The following FMN2 variants were observed in gnomAD, a reference collection of about 807,000 sequenced individuals.
The protein encoded by FMN2 is formin 2, also known as formin-2.
A neutral mutation model predicts 142.3 loss-of-function variants in FMN2; 51 were observed. The observed-to-expected ratio is 0.36, with a 90% CI of 0.29 to 0.45. FMN2 has a LOEUF of 0.45. Among genes scored for constraint, FMN2 ranks in the 20% least tolerant of loss-of-function variants. The pLI is 1.00. For synonymous variants in FMN2, 882 were observed against 869.8 expected, an observed-to-expected ratio of 1.01 and a Z score of -0.25; for missense variants, 1,936 against 2,122.8, an observed-to-expected ratio of 0.91 and a Z score of 1.73.
chr1:240,376,893 A>G (rs923235125), intron 14 of FMN2, among the ~76,000 whole-genome samples: 2 of 152,094 alleles, frequency 1.3e-5, no homozygotes, highest in African/African-American at 2.4e-5. Context: ...ATCACAGTCT[A>G]TCTTCAAATA....
rs2103275406 is a variant in FMN2, at chr1:240,152,953, G to A, written c.1783-24968G>A. 2.0e-5 allele frequency among the ~76,000 whole-genome samples: 3 copies of A among 152,336 alleles called. 1 individual carries two copies. The Middle Eastern group carries it at 0.01, about 518-fold the overall frequency. On this transcript the variant is annotated intron_variant, in intron 2 of 17. Transcript: ENST00000319653. ...ACCCTGTAGCCCTGTGATTTTGGGTGAGTTACTTATTTGAGACTTAGTGTT... is the reference window on the plus strand; with the variant it reads ...ACCCTGTAGCCCTGTGATTTTGGGTAAGTTACTTATTTGAGACTTAGTGTT...
intron 8 of FMN2, among the ~76,000 whole-genome samples, chr1:240,303,748 C>T (rs548284112): frequency 6.6e-6 from 1 of 152,054 alleles, no homozygotes; most frequent in South Asian, 2.1e-4. Flanking sequence ...TAAAAATATC[C>T]TCTCTGTTCC....
At chr1:240,265,401 T>A (rs2102909625) in intron 7 of FMN2, among the ~76,000 whole-genome samples, 1 of 152,278 alleles carries the variant, frequency 6.6e-6, no homozygotes, top group South Asian at 2.1e-4. Context: ...ACCATGTATG[T>A]GATGGTGGTC....
chr1:240,122,928 G>A (rs148313794), intron 1 of FMN2, among the ~76,000 whole-genome samples: 1 of 152,200 alleles, frequency 6.6e-6, no homozygotes, highest in East Asian at 1.9e-4. Context: ...CCATAACTTC[G>A]CCTGTTGTCT....
At chr1:240,193,885 G>T (rs896174513) in intron 4 of FMN2, among the ~76,000 whole-genome samples, 10 of 152,206 alleles carry the variant, frequency 6.6e-5, no homozygotes, top group African/African-American at 2.2e-4. Flanking sequence ...TCCAGTGACT[G>T]CTCATAGCAT....
chr1:240,294,722 C>T, intron 7 of FMN2, 100 bp from the exon 8 acceptor site: 1 of 1,026,876 alleles, frequency 9.7e-7, no homozygotes, highest in South Asian at 1.3e-5. Flanking sequence ...AAAGCCCCTG[C>T]TCCCTCTGGC....
intron 1 of FMN2, among the ~76,000 whole-genome samples, chr1:240,103,332 G>A (rs1661478815): frequency 6.6e-6 from 1 of 152,176 alleles, no homozygotes; most frequent in African/African-American, 2.4e-5. Context: ...CCTTTTGTAT[G>A]TGTGCTTTTG....
intron 14 of FMN2, among the ~76,000 whole-genome samples, chr1:240,363,824 C>T (rs920428915): frequency 4.6e-5 from 7 of 152,044 alleles, no homozygotes; most frequent in African/African-American, 1.4e-4. Context: ...TCCCCTCTGC[C>T]CCCCAGCCTG....
intron 2 of FMN2, among the ~76,000 whole-genome samples, chr1:240,132,319 A>G (rs1662773581): frequency 6.6e-6 from 1 of 152,210 alleles, no homozygotes; most frequent in African/African-American, 2.4e-5. Flanking sequence ...TAAATCTCGT[A>G]AATTAAGAGA....
chr1:240,162,325 G>A (rs188302432), intron 2 of FMN2, among the ~76,000 whole-genome samples: 17 of 151,998 alleles, frequency 1.1e-4, no homozygotes, highest in Admixed American at 4.6e-4. Context: ...TTAGCCGGGC[G>A]TGGTGGCAGT....
chr1:240,250,376 T>C (rs1016830345), intron 6 of FMN2, among the ~76,000 whole-genome samples: 1 of 152,082 alleles, frequency 6.6e-6, no homozygotes, highest in Non-Finnish European at 1.5e-5. Context: ...CACTCTTGAT[T>C]TGATATATCA....
At chr1:240,177,597 T>G (rs1045620068) in intron 2 of FMN2, among the ~76,000 whole-genome samples, 3 of 152,036 alleles carry the variant, frequency 2.0e-5, no homozygotes, top group Non-Finnish European at 4.4e-5. Context: ...GTTCAGGGAG[T>G]TCTCTGATTG....
Position 240,214,303 on chromosome 1 carries a change from G to A in FMN2, c.4065+3068G>A, listed in dbSNP as rs150691040. The stretch of plus-strand genomic sequence containing the variant: ...GTGGTGGCTCACGCCTGTAATCCCA[G>A]CACTTTCAGAGGCCGAGGCGGGCGG... On this transcript the variant is annotated intron_variant, in intron 6 of 17. Coordinates refer to ENST00000319653, the MANE Select transcript of FMN2 (RefSeq NM_020066.5). 1.5e-3 allele frequency among the ~76,000 whole-genome samples: 228 copies of A among 152,212 alleles called. 1 individual carries two copies. Among genetic ancestry groups the A allele is most frequent in the African/African-American group, 5.1e-3 (211 of 41,540 alleles).
At chr1:240,434,428 G>T (rs1327496898) in intron 15 of FMN2, among the ~76,000 whole-genome samples, 1 of 152,092 alleles carries the variant, frequency 6.6e-6, no homozygotes, top group African/African-American at 2.4e-5. Context: ...AATTCACTGA[G>T]GGCTACCTAA....
chr1:240,229,370 CTCTT>C (rs1236347230), intron 6 of FMN2, among the ~76,000 whole-genome samples: 1 of 152,140 alleles, frequency 6.6e-6, no homozygotes, highest in Non-Finnish European at 1.5e-5. Flanking sequence ...CCCTCCCTCT[CTCTT>C]TCTTTCACGT....
At chr1:240,321,001 G>T (rs934623848) in intron 8 of FMN2, among the ~76,000 whole-genome samples, 1 of 152,114 alleles carries the variant, frequency 6.6e-6, no homozygotes, top group African/African-American at 2.4e-5. Flanking sequence ...CAATAAAAAT[G>T]ATCTATTCTA....
intron 6 of FMN2, among the ~76,000 whole-genome samples, chr1:240,229,225 T>C (rs1667452138): frequency 6.6e-6 from 1 of 152,222 alleles, no homozygotes; most frequent in Non-Finnish European, 1.5e-5. Context: ...TAAAGACTTC[T>C]GTGTTTTTAA....
Position 240,177,959 on chromosome 1 carries a change from C to T in FMN2, c.1821C>T (p.Pro607=). 6.2e-7 allele frequency: 1 copy of T among 1,606,312 alleles called. No individual in the cohort carries two copies. Among genetic ancestry groups the T allele is most frequent in the East Asian group, 2.2e-5 (1 of 44,582 alleles). ...QLYTWAAVSQ[P]THSLDYSEGQ... is the part of the protein sequence containing the mutation. ...ATACCTGGGCTGCAGTTAGTCAACC[C>T]ACACACTCATTGGACTATTCAGAAG... Residue 607 remains proline (P), a synonymous_variant, in exon 3 of 18, where the codon CCC becomes CCT. Transcript: ENST00000319653.
At chr1:240,189,153 A>G (rs1425463198) in intron 4 of FMN2, among the ~76,000 whole-genome samples, 2 of 142,122 alleles carry the variant, frequency 1.4e-5, no homozygotes, top group Non-Finnish European at 3.0e-5. Context: ...AATGCAAGCT[A>G]TGCTAAAATG....
Sources: allele counts gnomAD v4.1 joint callset (sites outside exome capture counted in the v4.1 genomes callset), GRCh38; gene constraint gnomAD v4.1.1; transcripts MANE v1.5; gene names NCBI Gene and HGNC (gene_info 2026-07-23, HGNC 2026-07-21).